Variants in EML5 observed in about 807,000 individuals in gnomAD.
EML5 encodes the protein echinoderm microtubule-associated protein-like 5.
In EML5, 120 loss-of-function variants were observed where a neutral mutation model predicts 250.0. The ratio of observed to expected loss-of-function variants is 0.48; its 90% CI spans 0.41 to 0.56. The LOEUF is 0.56. Among genes scored for constraint, EML5 ranks in the 20% least tolerant of loss-of-function variants. The pLI is 0.00. For missense variants in EML5, 2,006 were observed against 2,437.6 expected (o/e 0.82, Z 3.73); for synonymous variants, 771 against 806.5 (o/e 0.96, Z 0.75).
chr14:88,776,112 C>A (rs1231262004), intron 1 of EML5, among the ~76,000 whole-genome samples: 2 of 152,218 alleles, frequency 1.3e-5, no homozygotes. Context: ...CACCCAAGTT[C>A]TTTCAGATAT....
chr14:88,627,089 AAGCT>A (rs768539909), intron 34 of EML5, 43 bp from the exon 35 acceptor site: 1 of 1,588,270 alleles, frequency 6.3e-7, no homozygotes, highest in East Asian at 2.2e-5. Context: ...TACAAGAACC[AAGCT>A]AATCAACAGC....
chr14:88,637,980 T>C (rs1567043694), intron 32 of EML5, among the ~76,000 whole-genome samples: 1 of 152,206 alleles, frequency 6.6e-6, no homozygotes, highest in Non-Finnish European at 1.5e-5. Flanking sequence ...AGACAACAAA[T>C]TCCTGACTAT....
intron 10 of EML5, among the ~76,000 whole-genome samples, chr14:88,709,536 A>G (rs2093370967): frequency 6.6e-6 from 1 of 152,208 alleles, no homozygotes; most frequent in Admixed American, 6.5e-5. Flanking sequence ...ATGGAAATTA[A>G]GACCTCAATG....
At chr14:88,771,501 C>T (rs1342101170) in intron 1 of EML5, among the ~76,000 whole-genome samples, 1 of 152,120 alleles carries the variant, frequency 6.6e-6, no homozygotes, top group Non-Finnish European at 1.5e-5. Flanking sequence ...TTCCTATTAC[C>T]ATTCAAATAT....
intron 7 of EML5, among the ~76,000 whole-genome samples, chr14:88,731,196 T>A (rs567209800): frequency 6.3e-4 from 96 of 151,780 alleles, no homozygotes; most frequent in African/African-American, 2.3e-3. Flanking sequence ...ATTAGGTATA[T>A]CTCCTAATGT....
chr14:88,779,189 G>C (rs943054574), intron 1 of EML5, among the ~76,000 whole-genome samples: 6 of 151,972 alleles, frequency 3.9e-5, no homozygotes, highest in African/African-American at 1.4e-4. Flanking sequence ...CAGGTTTTGG[G>C]GATATTTGTT....
chr14:88,732,587 C>G (rs984274227), intron 7 of EML5, among the ~76,000 whole-genome samples: 37 of 152,172 alleles, frequency 2.4e-4, no homozygotes, highest in Middle Eastern at 3.4e-3. Context: ...GTTTTTTCCA[C>G]TTCTGTGAAG....
At chr14:88,711,559 G>A (rs771997966) in intron 10 of EML5, among the ~76,000 whole-genome samples, 3 of 151,734 alleles carry the variant, frequency 2.0e-5, no homozygotes, top group Admixed American at 2.0e-4. Flanking sequence ...CAGCAGCATA[G>A]AGGAAACTGC....
rs1328047854 is a variant in EML5, at chr14:88,618,815, G to C, written c.5376-3C>G. 1.3e-6 allele frequency: 2 copies of C among 1,570,344 alleles called. No homozygotes were observed. Among genetic ancestry groups the C allele is most frequent in the Non-Finnish European group, 1.7e-6 (2 of 1,157,288 alleles). ...GATACCGGGAATCCGGACTAAATCTGAATCAAAACAAAACGTAAAAAGTAT... is the reference window on the plus strand; with the variant it reads ...GATACCGGGAATCCGGACTAAATCTCAATCAAAACAAAACGTAAAAAGTAT... On this transcript the variant is annotated splice_polypyrimidine_tract_variant and splice_region_variant and intron_variant, in intron 39 of 43. Coordinates refer to ENST00000554922, the MANE Select transcript of EML5 (RefSeq NM_183387.3).
intron 17 of EML5, among the ~76,000 whole-genome samples, chr14:88,692,546 T>C (rs2092984750): frequency 1.3e-5 from 2 of 152,124 alleles, no homozygotes; most frequent in African/African-American, 4.8e-5. Context: ...TGTGCATAAA[T>C]TATATGCAAA....
At chr14:88,660,714 G>A (rs373124974) in intron 25 of EML5, among the ~76,000 whole-genome samples, 83 of 151,118 alleles carry the variant, frequency 5.5e-4, no homozygotes, top group African/African-American at 2.0e-3. Flanking sequence ...CTGCACTCCA[G>A]CCTGGCGACA....
intron 1 of EML5, among the ~76,000 whole-genome samples, chr14:88,770,664 G>A (rs1566782238): frequency 1.3e-5 from 2 of 152,182 alleles, no homozygotes; most frequent in Non-Finnish European, 2.9e-5. Context: ...ATGAAAGCAT[G>A]AGTGTTGTTC....
At chr14:88,748,738 T>TA (rs2094045328) in intron 2 of EML5, among the ~76,000 whole-genome samples, 2 of 151,400 alleles carry the variant, frequency 1.3e-5, no homozygotes. Flanking sequence ...ATACCAAGAA[T>TA]AAAAAAAGAT....
intron 17 of EML5, among the ~76,000 whole-genome samples, chr14:88,691,201 A>T (rs971449995): frequency 6.6e-6 from 1 of 152,150 alleles, no homozygotes; most frequent in Non-Finnish European, 1.5e-5. Flanking sequence ...ACTAGGATCT[A>T]TGTGTCACTG....
At chr14:88,785,898 G>A (rs912814377) in intron 1 of EML5, among the ~76,000 whole-genome samples, 3 of 152,084 alleles carry the variant, frequency 2.0e-5, no homozygotes, top group African/African-American at 7.2e-5. Context: ...TCACTATTTT[G>A]ATTAAATAGT....
chr14:88,747,119 CAA>C (rs1042221205), intron 2 of EML5, among the ~76,000 whole-genome samples: 2 of 145,696 alleles, frequency 1.4e-5, no homozygotes, highest in Non-Finnish European at 1.5e-5. Flanking sequence ...AACAAACAAA[CAA>C]AAAAAAAAGG....
rs2090993827 is a variant in EML5 at position 88,640,366 on chromosome 14, C to G, written c.4238-1459G>C. Among the ~76,000 whole-genome samples the G allele has an allele frequency of 3.3e-5, 5 of 152,160 alleles. No homozygotes were observed. The South Asian group carries it at 8.3e-4, about 25-fold the overall frequency. ...TCATCTCTGCCATACTCTCTACCCA[C>G]AGTGCAAAATAGAAATCAATACCAA... On this transcript the variant is annotated intron_variant, in intron 31 of 43. Transcript: ENST00000554922.
chr14:88,704,587 G>A (rs1048362156), intron 13 of EML5, among the ~76,000 whole-genome samples: 1 of 152,184 alleles, frequency 6.6e-6, no homozygotes, highest in African/African-American at 2.4e-5. Context: ...ACAATGTAAT[G>A]TATTACTCTA....
chr14:88,693,387 G>C (rs1258921675), intron 17 of EML5, among the ~76,000 whole-genome samples: 1 of 152,178 alleles, frequency 6.6e-6, no homozygotes, highest in Non-Finnish European at 1.5e-5. Context: ...CATGGTGACA[G>C]GCAAAATTGC....
Sources: allele counts gnomAD v4.1 joint callset (sites outside exome capture counted in the v4.1 genomes callset), GRCh38; gene constraint gnomAD v4.1.1; transcripts MANE v1.5; gene names NCBI Gene and HGNC (gene_info 2026-07-23, HGNC 2026-07-21).